The following TNFSF4 variants were observed in gnomAD, a reference collection of about 807,000 sequenced individuals.
TNFSF4 encodes the protein TNF superfamily member 4.
A neutral mutation model predicts 7.3 loss-of-function variants in TNFSF4; 4 were observed. The ratio of observed to expected loss-of-function variants is 0.55; its 90% CI spans 0.27 to 1.25. The LOEUF (loss-of-function observed/expected upper bound fraction) is 1.25. TNFSF4 is among the 50% of genes most tolerant of loss of function. TNFSF4 has a pLI of 0.12. For synonymous variants in TNFSF4, 76 were observed against 83.7 expected, an observed-to-expected ratio of 0.91 and a Z score of 0.50; for missense variants, 181 against 208.8, an observed-to-expected ratio of 0.87 and a Z score of 0.82.
chr1:173,306,347 TG>T, the TNFSF4 span, among the ~76,000 whole-genome samples: 2 of 137,268 alleles, frequency 1.5e-5, no homozygotes, highest in Admixed American at 7.0e-5. Flanking sequence ...TGAGAAAAGA[TG>T]GGGGTAATCA....
the TNFSF4 span, among the ~76,000 whole-genome samples, chr1:173,214,142 C>A: frequency 6.6e-6 from 1 of 152,108 alleles, no homozygotes; most frequent in Non-Finnish European, 1.5e-5. Flanking sequence ...GTTTATTGTC[C>A]TGTCTGAAAC....
At chr1:173,353,427 C>A in the TNFSF4 span, among the ~76,000 whole-genome samples, 1 of 152,284 alleles carries the variant, frequency 6.6e-6, no homozygotes, top group Admixed American at 6.5e-5. Context: ...TGACTTCCCG[C>A]AACACATGTG....
chr1:173,226,395 C>CT, the TNFSF4 span, among the ~76,000 whole-genome samples: 8 of 152,172 alleles, frequency 5.3e-5, no homozygotes, highest in East Asian at 1.9e-4. Flanking sequence ...TCTCTTTTCC[C>CT]TTTTTTTGTA....
At chr1:173,180,584 CTATT>C (rs1416077723), downstream of TNFSF4, among the ~76,000 whole-genome samples, 1 of 152,140 alleles carries the variant, frequency 6.6e-6, no homozygotes, top group Admixed American at 6.5e-5. Flanking sequence ...TCAAAAACTA[CTATT>C]TATTTGACCA....
the TNFSF4 span, among the ~76,000 whole-genome samples, chr1:173,216,238 C>T: frequency 2.0e-5 from 3 of 151,886 alleles, no homozygotes; most frequent in Admixed American, 2.0e-4. Flanking sequence ...TGGGCATCTA[C>T]CCTCATCTAT....
chr1:173,373,533 C>A, the TNFSF4 span, among the ~76,000 whole-genome samples: 4 of 152,178 alleles, frequency 2.6e-5, no homozygotes, highest in African/African-American at 4.8e-5. Context: ...GACCCTCCAC[C>A]AAACTTTTCA....
the TNFSF4 span, among the ~76,000 whole-genome samples, chr1:173,262,645 C>T: frequency 1.4e-5 from 2 of 147,762 alleles, no homozygotes; most frequent in African/African-American, 5.1e-5. Flanking sequence ...CTCTGTCGCC[C>T]AGGCTGGAGT....
chr1:173,375,699 G>GA, the TNFSF4 span, among the ~76,000 whole-genome samples: 3 of 152,032 alleles, frequency 2.0e-5, no homozygotes, highest in Admixed American at 6.5e-5. Flanking sequence ...AGGGAGGACT[G>GA]AAAAAAGGGC....
chr1:173,395,902 C>T, the TNFSF4 span, among the ~76,000 whole-genome samples: 2 of 152,068 alleles, frequency 1.3e-5, no homozygotes, highest in Non-Finnish European at 2.9e-5. Context: ...CTCCCAACAA[C>T]CAGTGGTAGC....
chr1:173,212,331 T>C (rs1650397310), upstream of TNFSF4, among the ~76,000 whole-genome samples: 1 of 151,946 alleles, frequency 6.6e-6, no homozygotes, highest in South Asian at 2.1e-4. Flanking sequence ...AGGTTTGGAG[T>C]GATGCCTTTT....
chr1:173,207,441 T>A (rs1309490130), upstream of TNFSF4: 1 of 314,610 alleles, frequency 3.2e-6, no homozygotes, highest in African/African-American at 2.1e-5. Context: ...TCTTTTTTTT[T>A]TTCCTCTGGG....
the TNFSF4 span, among the ~76,000 whole-genome samples, chr1:173,357,215 C>A: frequency 6.6e-6 from 1 of 152,172 alleles, no homozygotes; most frequent in Non-Finnish European, 1.5e-5. Flanking sequence ...AAGATGTAGG[C>A]CTCAGAGATG....
the TNFSF4 span, among the ~76,000 whole-genome samples, chr1:173,233,016 T>C: frequency 6.6e-6 from 1 of 152,204 alleles, no homozygotes; most frequent in Non-Finnish European, 1.5e-5. Context: ...AGGCTTCAGA[T>C]GATCAAACTT....
chr1:173,226,963 G>A, the TNFSF4 span, among the ~76,000 whole-genome samples: 1 of 152,168 alleles, frequency 6.6e-6, no homozygotes, highest in African/African-American at 2.4e-5. Flanking sequence ...TTATTAGCCA[G>A]TTCATTAATG....
chr1:173,320,975 C>T, the TNFSF4 span, among the ~76,000 whole-genome samples: 4 of 152,108 alleles, frequency 2.6e-5, no homozygotes, highest in Non-Finnish European at 5.9e-5. Flanking sequence ...TAGAAAAAAG[C>T]TACTTTAAAT....
chr1:173,409,286 T>C, the TNFSF4 span, among the ~76,000 whole-genome samples: 2 of 152,216 alleles, frequency 1.3e-5, no homozygotes, highest in African/African-American at 4.8e-5. Flanking sequence ...AATGCAGTGC[T>C]TGATCCTGAA....
At chr1:173,259,187 C>T in the TNFSF4 span, among the ~76,000 whole-genome samples, 1 of 152,218 alleles carries the variant, frequency 6.6e-6, no homozygotes, top group South Asian at 2.1e-4. Context: ...CTGGTGACAC[C>T]TCCAGGTGCA....
chr1:173,298,932 T>C, the TNFSF4 span, among the ~76,000 whole-genome samples: 163 of 152,024 alleles, frequency 1.1e-3, 1 homozygote, highest in African/African-American at 3.8e-3. Context: ...CATACAGAAA[T>C]TTAGTAGCTA....
the TNFSF4 span, among the ~76,000 whole-genome samples, chr1:173,322,567 A>C: frequency 2.0e-5 from 3 of 152,120 alleles, no homozygotes; most frequent in Non-Finnish European, 2.9e-5. Flanking sequence ...CACACTGTGC[A>C]TGAGCTGAAG....
Sources: allele counts gnomAD v4.1 joint callset (sites outside exome capture counted in the v4.1 genomes callset), GRCh38; gene constraint gnomAD v4.1.1; transcripts MANE v1.5; gene names NCBI Gene and HGNC (gene_info 2026-07-23, HGNC 2026-07-21).